Variants in DRC11 observed in about 807,000 individuals in gnomAD.
DRC11 encodes the protein IQ and AAA domain-containing protein 1.
chr2:236,471,181 C>A, the DRC11 span, among the ~76,000 whole-genome samples: 1 of 152,196 alleles, frequency 6.6e-6, no homozygotes, highest in Non-Finnish European at 1.5e-5. This position sits in a 1 kb window ranked among gnomAD's most constrained non-coding sequence, Gnocchi z 4.6. Context: ...CAGGGTCACA[C>A]AGCCAGGAAG....
At chr2:236,457,797 G>A in the DRC11 span, among the ~76,000 whole-genome samples, 1 of 152,238 alleles carries the variant, frequency 6.6e-6, no homozygotes, top group Admixed American at 6.5e-5. The surrounding 1 kb of genome is among the most constrained non-coding windows in gnomAD (Gnocchi z 4.7). Context: ...GAAGCTGGCA[G>A]AGGCAAGGAA....
At chr2:236,466,111 C>T in the DRC11 span, among the ~76,000 whole-genome samples, 1 of 151,206 alleles carries the variant, frequency 6.6e-6, no homozygotes, top group African/African-American at 2.4e-5. Flanking sequence ...TTCTTCCTTT[C>T]CTACCTTCTG....
chr2:236,430,820 C>G, the DRC11 span, among the ~76,000 whole-genome samples: 3 of 152,194 alleles, frequency 2.0e-5, no homozygotes, highest in African/African-American at 7.2e-5. The surrounding 1 kb of genome is among the most constrained non-coding windows in gnomAD (Gnocchi z 6.0). Context: ...TGCTTGTTGT[C>G]ACAGTGCATC....
chr2:236,484,523 G>A, the DRC11 span, among the ~76,000 whole-genome samples: 13 of 151,628 alleles, frequency 8.6e-5, no homozygotes, highest in Non-Finnish European at 1.6e-4. Context: ...AATTATTTAT[G>A]GGCACCAATT....
At chr2:236,430,196 A>G in the DRC11 span, among the ~76,000 whole-genome samples, 1 of 137,528 alleles carries the variant, frequency 7.3e-6, no homozygotes, top group Admixed American at 7.8e-5. This position sits in a 1 kb window ranked among gnomAD's most constrained non-coding sequence, Gnocchi z 6.0. Flanking sequence ...GAATATACAT[A>G]TAACACACAC....
At chr2:236,378,056 C>A in the DRC11 span, among the ~76,000 whole-genome samples, 1 of 152,118 alleles carries the variant, frequency 6.6e-6, no homozygotes, top group Non-Finnish European at 1.5e-5. Context: ...GTCCTGTGAT[C>A]CAAGTTAGTG....
At chr2:236,470,069 T>C in the DRC11 span, among the ~76,000 whole-genome samples, 11 of 152,296 alleles carry the variant, frequency 7.2e-5, no homozygotes, top group East Asian at 1.9e-3. The surrounding 1 kb of genome is among the most constrained non-coding windows in gnomAD (Gnocchi z 5.1). Flanking sequence ...TAGGACATAA[T>C]GTGATGCCTC....
At chr2:236,350,110 C>A in the DRC11 span, among the ~76,000 whole-genome samples, 57 of 152,352 alleles carry the variant, frequency 3.7e-4, no homozygotes, top group African/African-American at 1.4e-3. This position sits in a 1 kb window ranked among gnomAD's most constrained non-coding sequence, Gnocchi z 5.2. Context: ...AGCCTTGAAA[C>A]AGGAGTCGCC....
At chr2:236,420,631 C>G in the DRC11 span, among the ~76,000 whole-genome samples, 3 of 151,950 alleles carry the variant, frequency 2.0e-5, no homozygotes, top group Non-Finnish European at 4.4e-5. The surrounding 1 kb of genome is among the most constrained non-coding windows in gnomAD (Gnocchi z 4.8). Context: ...CATGATGAAA[C>G]CCCATGTCTA....
the DRC11 span, among the ~76,000 whole-genome samples, chr2:236,422,871 A>G: frequency 6.6e-6 from 1 of 151,888 alleles, no homozygotes; most frequent in Non-Finnish European, 1.5e-5. Flanking sequence ...TCAATGGAAC[A>G]GAACAGAGCC....
chr2:236,504,032 C>T, the DRC11 span, among the ~76,000 whole-genome samples: 4 of 152,120 alleles, frequency 2.6e-5, no homozygotes, highest in Non-Finnish European at 5.9e-5. This position sits in a 1 kb window ranked among gnomAD's most constrained non-coding sequence, Gnocchi z 5.0. Flanking sequence ...GTGCAACTAC[C>T]ACCATTATCT....
the DRC11 span, among the ~76,000 whole-genome samples, chr2:236,491,219 GTA>G: frequency 0.011 from 211 of 19,542 alleles, 8 homozygotes; most frequent in African/African-American, 0.021. Flanking sequence ...TATACACACA[GTA>G]TATATATATA....
At chr2:236,344,911 C>T in the DRC11 span, among the ~76,000 whole-genome samples, 87 of 64,876 alleles carry the variant, frequency 1.3e-3, no homozygotes, top group Admixed American at 2.1e-3. Flanking sequence ...TGGTTGTAAA[C>T]GTGCTTCTCT....
the DRC11 span, among the ~76,000 whole-genome samples, chr2:236,459,114 T>C: frequency 2.6e-5 from 4 of 152,086 alleles, no homozygotes; most frequent in African/African-American, 9.7e-5. Flanking sequence ...CTTTAGCATC[T>C]GTAATACATA....
chr2:236,491,190 A>ATATATATATATATATATATACACACAG, the DRC11 span, among the ~76,000 whole-genome samples: 8 of 33,924 alleles, frequency 2.4e-4, no homozygotes, highest in African/African-American at 2.2e-3. Context: ...TACACACAGT[A>ATATATATATATATATATATACACACAG]TATATATATA....
the DRC11 span, among the ~76,000 whole-genome samples, chr2:236,333,878 C>T: frequency 3.3e-5 from 5 of 152,078 alleles, no homozygotes; most frequent in Admixed American, 6.5e-5. This position sits in a 1 kb window ranked among gnomAD's most constrained non-coding sequence, Gnocchi z 6.0. Context: ...CCAGTTTCTC[C>T]GAGCTGTGGA....
the DRC11 span, among the ~76,000 whole-genome samples, chr2:236,327,508 G>A: frequency 6.6e-6 from 1 of 151,984 alleles, no homozygotes; most frequent in African/African-American, 2.4e-5. Flanking sequence ...GCCTCCCAAA[G>A]TGCTGGGCTT....
At chr2:236,388,720 TGGA>T in the DRC11 span, among the ~76,000 whole-genome samples, 6 of 150,756 alleles carry the variant, frequency 4.0e-5, no homozygotes, top group East Asian at 5.8e-4. Flanking sequence ...TGCGTTCCTT[TGGA>T]GGAGGAGAGG....
At chr2:236,438,109 T>C in the DRC11 span, among the ~76,000 whole-genome samples, 2 of 139,270 alleles carry the variant, frequency 1.4e-5, no homozygotes, top group Non-Finnish European at 3.1e-5. Context: ...CATCTTGAAT[T>C]GATTTTTGTA....
Sources: gnomAD v4.1 joint callset for allele counts (sites outside exome capture counted in the v4.1 genomes callset) on GRCh38, gnomAD v4.1.1 for gene constraint, Gnocchi (gnomAD v3.1) non-coding constraint, MANE v1.5 for transcripts, NCBI Gene and HGNC (gene_info 2026-07-23, HGNC 2026-07-21) for gene names.